RIT2: variants seen among roughly 807,000 people sequenced by gnomAD.
The protein encoded by RIT2 is Ras like without CAAX 2.
In RIT2, 24 loss-of-function variants were observed where a neutral mutation model predicts 23.7. That is an observed-to-expected ratio of 1.01 (90% CI 0.73 to 1.43). The LOEUF (loss-of-function observed/expected upper bound fraction) is 1.43. RIT2 is among the 40% of genes most tolerant of loss of function. The pLI is 0.00. For synonymous variants in RIT2, 107 were observed against 91.1 expected (o/e 1.17, Z -0.99); for missense variants, 236 against 266.9 (o/e 0.88, Z 0.81).
At chr18:42,951,930 T>C (rs775839002) in intron 3 of RIT2, among the ~76,000 whole-genome samples, 1 of 152,140 alleles carries the variant, frequency 6.6e-6, no homozygotes, top group Non-Finnish European at 1.5e-5. Context: ...CTCACAATCA[T>C]GGCTAAAGGC....
chr18:42,967,536 A>ATT (rs397940927), intron 3 of RIT2, among the ~76,000 whole-genome samples: 2,994 of 80,646 alleles, frequency 0.037, 296 homozygotes, highest in East Asian at 0.3. Context: ...CGCCCGGCTA[A>ATT]TTTTTTTTTT....
intron 4 of RIT2, among the ~76,000 whole-genome samples, chr18:42,751,631 T>G (rs1913048265): frequency 6.6e-6 from 1 of 152,012 alleles, no homozygotes; most frequent in Admixed American, 6.6e-5. Context: ...AAATTGTGCC[T>G]ACTCATTACT....
intron 4 of RIT2, among the ~76,000 whole-genome samples, chr18:42,864,760 A>T (rs537426760): frequency 1.1e-3 from 175 of 152,302 alleles, no homozygotes; most frequent in African/African-American, 4.0e-3. Context: ...AGTGACTTCA[A>T]CCCACAAGCT....
chr18:43,108,271 A>G (rs1913875913), intron 1 of RIT2, among the ~76,000 whole-genome samples: 1 of 152,152 alleles, frequency 6.6e-6, no homozygotes, highest in Non-Finnish European at 1.5e-5. Flanking sequence ...AAAATAATGT[A>G]AACATCGAAC....
At chr18:42,886,766 C>T (rs1908032809) in intron 4 of RIT2, among the ~76,000 whole-genome samples, 1 of 152,048 alleles carries the variant, frequency 6.6e-6, no homozygotes, top group Non-Finnish European at 1.5e-5. Context: ...GAAAATTAAA[C>T]AGAAATGACA....
At chr18:42,775,891 A>C (rs926050230) in intron 4 of RIT2, among the ~76,000 whole-genome samples, 16 of 151,952 alleles carry the variant, frequency 1.1e-4, no homozygotes, top group Non-Finnish European at 1.8e-4. Context: ...AGAGATGTAA[A>C]TACACACATA....
chr18:43,055,593 G>A (rs187868285), intron 1 of RIT2, among the ~76,000 whole-genome samples: 1 of 152,062 alleles, frequency 6.6e-6, no homozygotes, highest in Non-Finnish European at 1.5e-5. Flanking sequence ...TACATTTTTT[G>A]TAGCTCCTTT....
chr18:42,763,290 G>C (rs183579335), intron 4 of RIT2, among the ~76,000 whole-genome samples: 351 of 152,124 alleles, frequency 2.3e-3, no homozygotes, highest in African/African-American at 7.6e-3. Context: ...GTGAAACCCC[G>C]TCTCTATTAA....
chr18:43,086,951 C>T (rs911878356), intron 1 of RIT2, among the ~76,000 whole-genome samples: 1 of 152,034 alleles, frequency 6.6e-6, no homozygotes, highest in African/African-American at 2.4e-5. Flanking sequence ...AACTGCTGGC[C>T]CAGAGTAGGT....
intron 1 of RIT2, among the ~76,000 whole-genome samples, chr18:43,063,253 G>C (rs1052466309): frequency 6.6e-6 from 1 of 152,088 alleles, no homozygotes; most frequent in Admixed American, 6.6e-5. Context: ...TTTAAAACAA[G>C]ATTCACCATA....
At chr18:43,110,051 T>A (rs1457698892) in intron 1 of RIT2, among the ~76,000 whole-genome samples, 1 of 152,166 alleles carries the variant, frequency 6.6e-6, no homozygotes, top group Non-Finnish European at 1.5e-5. Context: ...ATACCTCTCC[T>A]ACTTGCCTTC....
intron 2 of RIT2, among the ~76,000 whole-genome samples, chr18:43,031,469 A>T (rs576539108): frequency 6.6e-6 from 1 of 152,056 alleles, no homozygotes; most frequent in South Asian, 2.1e-4. Flanking sequence ...AACCCTTACA[A>T]AGACAGTAAT....
chr18:43,006,002 A>C (rs1911219313), intron 2 of RIT2, among the ~76,000 whole-genome samples: 1 of 151,768 alleles, frequency 6.6e-6, no homozygotes, highest in South Asian at 2.1e-4. Context: ...CTATTTAATT[A>C]AAGTCTTTTT....
intron 1 of RIT2, among the ~76,000 whole-genome samples, chr18:43,068,648 G>A (rs1234267360): frequency 6.6e-6 from 1 of 152,090 alleles, no homozygotes; most frequent in Non-Finnish European, 1.5e-5. Flanking sequence ...GCAATTGAGA[G>A]AAAATATTCA....
intron 2 of RIT2, among the ~76,000 whole-genome samples, chr18:42,996,525 T>C (rs574396224): frequency 6.6e-6 from 1 of 152,232 alleles, no homozygotes; most frequent in Admixed American, 6.5e-5. Flanking sequence ...GGCCTGTTTC[T>C]GCCTTAACTG....
chr18:43,065,218 G>GT (rs58941113), intron 1 of RIT2, among the ~76,000 whole-genome samples: 1,345 of 81,612 alleles, frequency 0.016, 32 homozygotes, highest in African/African-American at 0.035. Context: ...ACTTTTTTGG[G>GT]TTTTTTTTTT....
chr18:43,046,352 T>C (rs1310304517), intron 1 of RIT2, among the ~76,000 whole-genome samples: 2 of 152,220 alleles, frequency 1.3e-5, no homozygotes, highest in Non-Finnish European at 2.9e-5. Context: ...ATTTTCAACA[T>C]ATCACTTGTT....
At chr18:42,889,073 G>A (rs561590575) in intron 4 of RIT2, among the ~76,000 whole-genome samples, 1 of 151,698 alleles carries the variant, frequency 6.6e-6, no homozygotes, top group South Asian at 2.1e-4. Context: ...AAATTTGTTG[G>A]ATTTTTTTTT....
chr18:43,035,979 A>G (rs1222586969), intron 1 of RIT2, among the ~76,000 whole-genome samples: 1 of 152,184 alleles, frequency 6.6e-6, no homozygotes, highest in Non-Finnish European at 1.5e-5. Flanking sequence ...CTATTCACAC[A>G]TTTAAACCTT....
Sources: gnomAD v4.1 joint callset for allele counts (sites outside exome capture counted in the v4.1 genomes callset) on GRCh38, gnomAD v4.1.1 for gene constraint, MANE v1.5 for transcripts, NCBI Gene and HGNC (gene_info 2026-07-23, HGNC 2026-07-21) for gene names.